BBS1: variants seen among roughly 807,000 people sequenced by gnomAD.
The protein encoded by BBS1 is BBSome complex member BBS1.
BBS1 carries 60 observed loss-of-function variants against 73.9 expected under a neutral mutation model. The observed-to-expected ratio is 0.81, with a 90% CI of 0.66 to 1.01. The LOEUF is 1.01. BBS1 is among the 50% of genes least tolerant of loss of function. The pLI, the probability that BBS1 is intolerant of heterozygous loss-of-function variation, is 0.00. For synonymous variants in BBS1, 283 were observed against 317.4 expected, an observed-to-expected ratio of 0.89 and a Z score of 1.15; for missense variants, 718 against 770.3, an observed-to-expected ratio of 0.93 and a Z score of 0.80.
In BBS1 at chr11:66,526,519, AAC is replaced by A; in HGVS notation, c.1181-128_1181-127del. 4.3e-6 allele frequency: 5 copies of A among 1,164,584 alleles called. No individual in the cohort carries two copies. The South Asian group carries it at 5.0e-5, about 12-fold the overall frequency. The allele number at this position is 1,164,584 out of a possible 1,614,324, so 72.1% of individuals were successfully genotyped here. On this transcript the variant is annotated intron_variant, in intron 12 of 16. Coordinates refer to ENST00000318312, the MANE Select transcript of BBS1 (RefSeq NM_024649.5). The stretch of plus-strand genomic sequence containing the variant: ...TAAGATGCACTTTGTTACTTCCAGA[AAC>A]AGTCTCGTCTGGAAGACGGATGTGT...
Position 66,515,708 on chromosome 11 carries a change from G to T in BBS1, c.495G>T (p.Glu165Asp). The T allele has an allele frequency of 6.2e-7, 1 of 1,614,216 alleles. No individual in the cohort carries two copies. The highest frequency in any genetic ancestry group is 8.5e-7 in the Non-Finnish European group (1 of 1,180,038). The change falls in exon 6 of 17, where the codon GAG (glutamate) becomes GAT (aspartate). Residue 165 changes from glutamate (E) to aspartate (D), a missense_variant. Physicochemically the swap from Glu to Asp is conservative, Grantham distance 45. Coordinates refer to ENST00000318312, the MANE Select transcript of BBS1 (RefSeq NM_024649.5). ...MLESIRETAEEPLSIQSLRFL... is the reference protein window; with the variant it reads ...MLESIRETAEDPLSIQSLRFL... The stretch of plus-strand genomic sequence containing the variant: ...TTCCTTGCAGGGAGACGGCAGAGGA[G>T]CCTTTGTCCATCCAGTCACTCAGGT...
intron 7 of BBS1, 124 bp downstream of exon 7, chr11:66,516,057 A>G (rs1267872447): frequency 2.3e-6 from 2 of 861,210 alleles, no homozygotes; most frequent in Non-Finnish European, 3.8e-6. Flanking sequence ...TATCCCTTCC[A>G]GCCATGCCAT....
chr11:66,518,027 A>G (rs913017491), intron 7 of BBS1, among the ~76,000 whole-genome samples: 1 of 146,326 alleles, frequency 6.8e-6, no homozygotes, highest in Non-Finnish European at 1.5e-5. Context: ...GCGCAATCTC[A>G]GCTCATCGCA....
chr11:66,528,338 ATGCTGTAAAGCTTGAAGT>A (rs1856610525), intron 13 of BBS1, among the ~76,000 whole-genome samples: 1 of 152,254 alleles, frequency 6.6e-6, no homozygotes, highest in Non-Finnish European at 1.5e-5. Flanking sequence ...GGAAGACCTA[ATGCTGTAAAGCTTGAAGT>A]TGCAGTTAAA....
At chr11:66,517,442 T>C (rs1214234651) in intron 7 of BBS1, among the ~76,000 whole-genome samples, 1 of 151,720 alleles carries the variant, frequency 6.6e-6, no homozygotes, top group Non-Finnish European at 1.5e-5. Flanking sequence ...TTTGCATTCA[T>C]GTATTTTTTA....
chr11:66,527,083 AAGT>A, intron 13 of BBS1: 1 of 1,482,022 alleles, frequency 6.7e-7, no homozygotes. Flanking sequence ...CTCATGAGGA[AAGT>A]AGAATTTTGA....
At chr11:66,529,179 G>A (rs1856651094) in intron 13 of BBS1, 1 of 1,452,866 alleles carries the variant, frequency 6.9e-7, no homozygotes, top group Non-Finnish European at 9.1e-7. Context: ...TGGAAGAGGA[G>A]GGACAGTGGG....
chr11:66,523,779 T>C lies in BBS1; in HGVS notation c.1007T>C (p.Leu336Pro). The C allele has an allele frequency of 6.2e-7, 1 of 1,613,358 alleles. No homozygotes were observed. Among genetic ancestry groups the C allele is most frequent in the Non-Finnish European group, 8.5e-7 (1 of 1,180,022 alleles). Residue 336 changes from leucine (L) to proline (P), a missense_variant, in exon 11 of 17, where the codon CTG (leucine) becomes CCG (proline). Transcript: ENST00000318312. ...MPAAILTMNL[L>P]EQHSRGLQAV... ...GCAGCCATCCTGACCATGAACCTCC[T>C]GGAGCAGCATTCCCGGGGCCTGCAG...
chr11:66,529,792 G>A (rs199895048), intron 13 of BBS1, 27 bp from the exon 14 acceptor site: 100 of 1,608,630 alleles, frequency 6.2e-5, no homozygotes, highest in Middle Eastern at 1.7e-4. Context: ...CACCTCCACC[G>A]TCAGCCTCTG....
intron 4 of BBS1, 97 bp downstream of exon 4, chr11:66,514,775 A>T: frequency 6.9e-7 from 1 of 1,447,612 alleles, no homozygotes; most frequent in African/African-American, 1.4e-5. Context: ...GGCTGGTGGC[A>T]GGAGGTCAGC....
chr11:66,522,345 T>A (rs546201569), intron 9 of BBS1, among the ~76,000 whole-genome samples: 18 of 152,048 alleles, frequency 1.2e-4, no homozygotes, highest in East Asian at 3.9e-4. Flanking sequence ...GCTTTTTTTT[T>A]TTTTTATTTT....
At position 66,523,892 on chromosome 11, in the gene BBS1, ATC is replaced by A. The variant is rs1255722399; in HGVS notation, c.1110+13_1110+14del. ...TGTCATCCACACCCCGGTGAGCCCC[ATC>A]TCCGGCATCTGCCACTCACTCCTCC... On this transcript the variant is annotated intron_variant, in intron 11 of 16. Coordinates refer to ENST00000318312, the MANE Select transcript of BBS1 (RefSeq NM_024649.5). The A allele has an allele frequency of 1.9e-6, 3 of 1,612,094 alleles. No homozygotes were observed. The African/African-American group carries it at 4.0e-5, about 22-fold the overall frequency.
chr11:66,511,152 T>C, intron 2 of BBS1, 53 bp from the exon 3 acceptor site: 5 of 1,613,924 alleles, frequency 3.1e-6, no homozygotes, highest in Non-Finnish European at 4.2e-6. Context: ...AATGGTCCTG[T>C]AGTGAAGCCT....
Position 66,520,029 on chromosome 11 carries a change from C to G in BBS1, c.723+281C>G, listed in dbSNP as rs567744853. The G allele has an allele frequency of 2.2e-3, 806 of 368,014 alleles. 6 individuals carry two copies. Among genetic ancestry groups the G allele is most frequent in the Non-Finnish European group, 2.3e-3 (446 of 192,526 alleles). The allele number at this position is 368,014 out of a possible 1,614,324, so 22.8% of individuals were successfully genotyped here. A position where few individuals can be genotyped will look rare whatever the true frequency, so the allele number is the denominator to read the frequency against. Reference sequence around the variant, plus strand: ...AACAGGATTAGCTGGGTGTGGTGGCCCATGCCTCTAACCCTAGTGCTTTGG... The same window carrying G: ...AACAGGATTAGCTGGGTGTGGTGGCGCATGCCTCTAACCCTAGTGCTTTGG... On this transcript the variant is annotated intron_variant, in intron 8 of 16. Coordinates refer to ENST00000318312, the MANE Select transcript of BBS1 (RefSeq NM_024649.5).
intron 7 of BBS1, among the ~76,000 whole-genome samples, chr11:66,519,349 C>T (rs1212845399): frequency 1.3e-5 from 2 of 151,626 alleles, no homozygotes; most frequent in African/African-American, 2.4e-5. Context: ...CCTGCCTGGG[C>T]GACAGAGCGA....
intron 13 of BBS1, chr11:66,529,042 A>T: frequency 1.0e-6 from 1 of 973,796 alleles, no homozygotes; most frequent in Non-Finnish European, 1.2e-6. Flanking sequence ...AATTCTGGAT[A>T]GATTAAAAAT....
Position 66,532,873 on chromosome 11 carries a change from C to T in BBS1, c.*836C>T, listed in dbSNP as rs1473680706. On this transcript the variant is annotated 3_prime_UTR_variant, in exon 17 of 17. Coordinates refer to ENST00000318312, the MANE Select transcript of BBS1 (RefSeq NM_024649.5). ...CACCAGGAGAGGCGTTTCTGGGGCT[C>T]CAGAGAAGTGCCACGGGAGGCAGAA... 1 of 152,406 alleles carries T rather than the reference C, an allele frequency of 6.6e-6. No individual in the cohort carries two copies. The highest frequency in any genetic ancestry group is 6.5e-5 in the Admixed American group (1 of 15,274). 9.4% of individuals were successfully genotyped at this position (152,406 alleles called of 1,614,324 possible).
At chr11:66,511,151 G>A in intron 2 of BBS1, 54 bp from the exon 3 acceptor site, 8 of 1,613,988 alleles carry the variant, frequency 5.0e-6, no homozygotes, top group Non-Finnish European at 6.8e-6. Context: ...CAATGGTCCT[G>A]TAGTGAAGCC....
intron 9 of BBS1, among the ~76,000 whole-genome samples, chr11:66,522,443 G>T (rs1170153061): frequency 6.6e-6 from 1 of 151,292 alleles, no homozygotes; most frequent in African/African-American, 2.4e-5. Flanking sequence ...TGCCTCCTGG[G>T]TTCAAGCGAT....
Sources: allele counts gnomAD v4.1 joint callset (sites outside exome capture counted in the v4.1 genomes callset), GRCh38; gene constraint gnomAD v4.1.1; transcripts MANE v1.5; gene names NCBI Gene and HGNC (gene_info 2026-07-23, HGNC 2026-07-21).